The following CENPK variants were observed in gnomAD, a reference collection of about 807,000 sequenced individuals.
CENPK encodes SoxLZ/Sox6-binding protein Solt.
Under a neutral mutation model 40.9 loss-of-function variants are expected in CENPK, and 46 were observed. The observed-to-expected ratio is 1.13, with a 90% CI of 0.89 to 1.44. The LOEUF (loss-of-function observed/expected upper bound fraction) is 1.44, where lower values mean the gene tolerates loss of function less well. Ranked by LOEUF, CENPK falls within the 40% of genes most tolerant of loss-of-function variation. The pLI, the probability that CENPK is intolerant of heterozygous loss-of-function variation, is 0.00. For synonymous variants in CENPK, 107 were observed against 104.4 expected (o/e 1.02, Z -0.15); for missense variants, 288 against 303.5 (o/e 0.95, Z 0.38).
At chr5:65,523,791 T>G (rs1192073843) in intron 9 of CENPK, among the ~76,000 whole-genome samples, 1 of 152,210 alleles carries the variant, frequency 6.6e-6, no homozygotes, top group African/African-American at 2.4e-5. Flanking sequence ...TGTGAAATAT[T>G]CTTATGTTAT....
chr5:65,528,785 T>C lies in CENPK; in HGVS notation c.470+134A>G. The stretch of plus-strand genomic sequence containing the variant: ...GTCAAGTCACCCATAAAAGATCATA[T>C]AATAGCTAATAGTTAACAAAAGTTA... On this transcript the variant is annotated intron_variant, in intron 8 of 10. Transcript: ENST00000396679. The C allele has an allele frequency of 3.4e-6, 3 of 884,704 alleles. 1 individual carries two copies. Among genetic ancestry groups the C allele is most frequent in the South Asian group, 4.1e-5 (2 of 48,598 alleles). The allele number at this position is 884,704 out of a possible 1,614,324, so 54.8% of individuals were successfully genotyped here. A position where few individuals can be genotyped will look rare whatever the true frequency, so the allele number is the denominator to read the frequency against.
chr5:65,535,770 G>A (rs1338051334), intron 6 of CENPK, among the ~76,000 whole-genome samples: 1 of 152,186 alleles, frequency 6.6e-6, no homozygotes, highest in African/African-American at 2.4e-5. Flanking sequence ...TGAGTCCAGT[G>A]AGTCTATCCC....
chr5:65,501,548 G>A, the CENPK span, among the ~76,000 whole-genome samples: 2 of 152,104 alleles, frequency 1.3e-5, no homozygotes, highest in Admixed American at 1.3e-4. Context: ...TAGTTCTTCG[G>A]GCATGTATTG....
chr5:65,560,274 T>C (rs1402678511), intron 2 of CENPK, among the ~76,000 whole-genome samples: 2 of 151,882 alleles, frequency 1.3e-5, no homozygotes, highest in African/African-American at 2.4e-5. Flanking sequence ...ATATAACAAG[T>C]GCCTACAAAT....
At chr5:65,511,229 G>A in the CENPK span, among the ~76,000 whole-genome samples, 1 of 152,184 alleles carries the variant, frequency 6.6e-6, no homozygotes. Context: ...TTTAAGGAAA[G>A]AAGCCATCTC....
chr5:65,520,160 T>C (rs1381944576), intron 10 of CENPK, among the ~76,000 whole-genome samples: 8 of 152,198 alleles, frequency 5.3e-5, no homozygotes, highest in Non-Finnish European at 1.5e-5. Flanking sequence ...GCTGTCCTCA[T>C]GATAGTGAGT....
chr5:65,510,725 G>A, the CENPK span, among the ~76,000 whole-genome samples: 4 of 150,748 alleles, frequency 2.7e-5, no homozygotes, highest in Admixed American at 6.6e-5. Flanking sequence ...GCAGTGAGCC[G>A]AGATTGTGCC....
chr5:65,534,488 T>C (rs36003688), intron 6 of CENPK, among the ~76,000 whole-genome samples: 2,753 of 152,214 alleles, frequency 0.018, 58 homozygotes, highest in East Asian at 0.071. Context: ...AAACATAATG[T>C]GGTATTGGCT....
At chr5:65,551,180 AT>A (rs1749950255) in intron 5 of CENPK, 1 of 404,384 alleles carries the variant, frequency 2.5e-6, no homozygotes, top group South Asian at 1.7e-5. Flanking sequence ...AACCCGGGAG[AT>A]CGGGGCTGCA....
chr5:65,545,336 A>G (rs928309356), intron 5 of CENPK, among the ~76,000 whole-genome samples: 2,201 of 19,616 alleles, frequency 0.11, 95 homozygotes, highest in African/African-American at 0.15. Context: ...ACACACACAC[A>G]CACACACACA....
intron 5 of CENPK, among the ~76,000 whole-genome samples, chr5:65,548,116 T>C (rs1183285226): frequency 2.0e-5 from 3 of 152,094 alleles, no homozygotes; most frequent in South Asian, 2.1e-4. Context: ...ACAATCCAAA[T>C]AGAATATCAT....
the CENPK span, among the ~76,000 whole-genome samples, chr5:65,496,263 A>G: frequency 3.3e-5 from 5 of 152,078 alleles, no homozygotes; most frequent in Admixed American, 6.6e-5. Flanking sequence ...CAAACAAAAC[A>G]AAACAAAACA....
In CENPK at chr5:65,563,143, A is replaced by G; in HGVS notation, c.-187T>C. The G allele has an allele frequency of 1.2e-6, 1 of 833,476 alleles. No homozygotes were observed. The highest frequency in any genetic ancestry group is 1.7e-5 in the African/African-American group (1 of 58,240). The allele number at this position is 833,476 out of a possible 1,614,324, so 51.6% of individuals were successfully genotyped here. The stretch of plus-strand genomic sequence containing the variant: ...CAGGTCGCCTAGGCGCTGCGCAGGA[A>G]GCGCTTGCCAGCCCCGGACTTCTGC... On this transcript the variant is annotated 5_prime_UTR_variant, in exon 1 of 11. Transcript: ENST00000396679.
chr5:65,514,852 A>G (rs1028799706), downstream of CENPK, among the ~76,000 whole-genome samples: 4 of 152,232 alleles, frequency 2.6e-5, no homozygotes, highest in Admixed American at 6.5e-5. Flanking sequence ...AGAGTTGCTC[A>G]TATCATTCCT....
At chr5:65,504,103 A>G in the CENPK span, among the ~76,000 whole-genome samples, 1 of 152,046 alleles carries the variant, frequency 6.6e-6, no homozygotes, top group African/African-American at 2.4e-5. Context: ...AACAACCAGA[A>G]AACACTTTGA....
At chr5:65,510,045 T>C in the CENPK span, among the ~76,000 whole-genome samples, 8 of 152,236 alleles carry the variant, frequency 5.3e-5, no homozygotes, top group Admixed American at 3.9e-4. Context: ...AGATACAATA[T>C]TGAAATAGGC....
intron 6 of CENPK, among the ~76,000 whole-genome samples, chr5:65,535,764 T>C (rs1580979617): frequency 6.6e-6 from 1 of 152,298 alleles, no homozygotes; most frequent in East Asian, 1.9e-4. Flanking sequence ...TTCTTCTGAG[T>C]CCAGTGAGTC....
intron 6 of CENPK, 43 bp downstream of exon 6, chr5:65,542,759 T>C (rs1748198130): frequency 3.4e-6 from 5 of 1,458,512 alleles, no homozygotes; most frequent in Non-Finnish European, 4.8e-6. Flanking sequence ...TAGATCTAGT[T>C]AGAAATTATT....
At chr5:65,524,171 C>T (rs1744248347) in intron 9 of CENPK, among the ~76,000 whole-genome samples, 1 of 151,090 alleles carries the variant, frequency 6.6e-6, no homozygotes, top group Non-Finnish European at 1.5e-5. Flanking sequence ...CTCAGGAGAT[C>T]GAGACCATCC....
Sources: allele counts gnomAD v4.1 joint callset (sites outside exome capture counted in the v4.1 genomes callset), GRCh38; gene constraint gnomAD v4.1.1; transcripts MANE v1.5; gene names NCBI Gene and HGNC (gene_info 2026-07-23, HGNC 2026-07-21).